BNC2: variants seen among roughly 807,000 people sequenced by gnomAD.
The protein encoded by BNC2 is basonuclin zinc finger protein 2.
Under a neutral mutation model 76.3 loss-of-function variants are expected in BNC2, and 20 were observed. The ratio of observed to expected loss-of-function variants is 0.26; its 90% CI spans 0.18 to 0.38. The LOEUF (loss-of-function observed/expected upper bound fraction) is 0.38, where lower values mean the gene tolerates loss of function less well. Ranked by LOEUF, BNC2 falls within the 10% of genes least tolerant of loss-of-function variation. The pLI, the probability that BNC2 is intolerant of heterozygous loss-of-function variation, is 1.00. For synonymous variants in BNC2, 582 were observed against 514.8 expected (o/e 1.13, Z -1.77); for missense variants, 1,382 against 1,399.8 (o/e 0.99, Z 0.20).
At chr9:16,838,155 A>C (rs935709005) in intron 1 of BNC2, among the ~76,000 whole-genome samples, 1 of 152,240 alleles carries the variant, frequency 6.6e-6, no homozygotes, top group Non-Finnish European at 1.5e-5. Flanking sequence ...TACACTGTAC[A>C]CAAGTTTCAA....
At chr9:16,649,246 T>C (rs1587272855) in intron 3 of BNC2, among the ~76,000 whole-genome samples, 2 of 152,302 alleles carry the variant, frequency 1.3e-5, no homozygotes, top group Middle Eastern at 3.4e-3. Flanking sequence ...GTGTGTGCTA[T>C]CCACCTGAAC....
intron 5 of BNC2, among the ~76,000 whole-genome samples, chr9:16,499,529 T>C (rs1482920362): frequency 1.6e-5 from 2 of 128,456 alleles, no homozygotes; most frequent in Admixed American, 1.5e-4. Flanking sequence ...TCTTTTTTTT[T>C]CTTTTTTTTT....
chr9:16,684,927 A>G lies in BNC2; in HGVS notation c.330+42870T>C, dbSNP rs1405412139. ...AAAAAAAAAAAAAATGTACTTTGCTAATATACTCCTATTACACCACAAGAC... is the reference window on the plus strand; with the variant it reads ...AAAAAAAAAAAAAATGTACTTTGCTGATATACTCCTATTACACCACAAGAC... On this transcript the variant is annotated intron_variant, in intron 3 of 6. Coordinates refer to ENST00000380672, the MANE Select transcript of BNC2 (RefSeq NM_017637.6). Among the ~76,000 whole-genome samples the G allele has an allele frequency of 5.3e-5, 8 of 152,172 alleles. No individual in the cohort carries two copies. The East Asian group carries it at 1.5e-3, about 29-fold the overall frequency.
intron 1 of BNC2, among the ~76,000 whole-genome samples, chr9:16,851,719 GCAT>G (rs1819131641): frequency 6.6e-6 from 1 of 152,148 alleles, no homozygotes; most frequent in South Asian, 2.1e-4. Flanking sequence ...AGCCAGTGAA[GCAT>G]CATTAACAAG....
chr9:16,780,175 G>A lies in BNC2; in HGVS notation c.4-41690C>T, dbSNP rs1282325372. Reference sequence around the variant, plus strand: ...GGCGCGAACCTGGGAGGCGGAGCTTGCAGTGAGCCGAGATCGCGCCACTGC... The same window carrying A: ...GGCGCGAACCTGGGAGGCGGAGCTTACAGTGAGCCGAGATCGCGCCACTGC... On this transcript the variant is annotated intron_variant, in intron 1 of 6. Coordinates refer to ENST00000380672, the MANE Select transcript of BNC2 (RefSeq NM_017637.6). 1.3e-4 allele frequency among the ~76,000 whole-genome samples: 18 copies of A among 138,904 alleles called. No individual in the cohort carries two copies. In the East Asian group the frequency reaches 2.2e-3, roughly 17 times the overall value. 91.1% of individuals were successfully genotyped at this position (138,904 alleles called of 152,430 possible). A position where few individuals can be genotyped will look rare whatever the true frequency, so the allele number is the denominator to read the frequency against.
intron 1 of BNC2, among the ~76,000 whole-genome samples, chr9:16,763,142 A>G (rs10810619): frequency 0.46 from 69,407 of 152,026 alleles, 21,258 homozygotes; most frequent in Non-Finnish European, 0.69. Context: ...TAAGGGCTTT[A>G]GAAAAAAGAT....
chr9:16,523,056 A>T (rs556421757), intron 5 of BNC2, among the ~76,000 whole-genome samples: 2 of 152,238 alleles, frequency 1.3e-5, no homozygotes, highest in South Asian at 2.1e-4. Context: ...AAAATGAAAC[A>T]TGGAAGCAGA....
At chr9:16,705,996 G>A (rs1281322516) in intron 3 of BNC2, among the ~76,000 whole-genome samples, 1 of 151,664 alleles carries the variant, frequency 6.6e-6, no homozygotes, top group Non-Finnish European at 1.5e-5. Flanking sequence ...TGTGCAGAGA[G>A]TTCTGCCTTC....
intron 5 of BNC2, among the ~76,000 whole-genome samples, chr9:16,438,221 G>T (rs2130875906): frequency 6.6e-6 from 1 of 152,142 alleles, no homozygotes; most frequent in South Asian, 2.1e-4. Context: ...CTGAAAATTG[G>T]TTGTAATCCT....
At chr9:16,653,614 C>A (rs963051930) in intron 3 of BNC2, among the ~76,000 whole-genome samples, 2 of 152,092 alleles carry the variant, frequency 1.3e-5, no homozygotes. Context: ...TTTCAGCAGG[C>A]ATCGGTTTCT....
At chr9:16,516,935 C>G (rs559537919) in intron 5 of BNC2, among the ~76,000 whole-genome samples, 188 of 152,304 alleles carry the variant, frequency 1.2e-3, no homozygotes, top group African/African-American at 4.4e-3. Context: ...AGGCTTTAAA[C>G]TGGTCAGTTG....
Position 16,435,724 on chromosome 9 carries a change from C to G in BNC2, c.2470G>C (p.Gly824Arg), listed in dbSNP as rs1472789940. Residue 824 changes from glycine to arginine, a missense_variant, in exon 6 of 7, where the codon GGT becomes CGT. Around this residue, in one of 3 missense-constraint regions of BNC2, gnomAD observed 798 missense variants for 775.5 expected, o/e 1.03. Coordinates refer to ENST00000380672, the MANE Select transcript of BNC2 (RefSeq NM_017637.6). ...YGSPQKFSPEGDLCSSPDPKI... is the reference protein window; with the variant it reads ...YGSPQKFSPERDLCSSPDPKI... ...GGGTCTGGGCTAGAACATAGGTCACCTTCTGGGGAGAACTTTTGAGGGCTG... is the reference window on the plus strand; with the variant it reads ...GGGTCTGGGCTAGAACATAGGTCACGTTCTGGGGAGAACTTTTGAGGGCTG... 1 of 1,614,070 alleles carries G rather than the reference C, an allele frequency of 6.2e-7. No homozygotes were observed. Among genetic ancestry groups the G allele is most frequent in the Non-Finnish European group, 8.5e-7 (1 of 1,180,024 alleles).
At chr9:16,669,026 G>GA (rs1437819579) in intron 3 of BNC2, among the ~76,000 whole-genome samples, 1 of 151,850 alleles carries the variant, frequency 6.6e-6, no homozygotes, top group Non-Finnish European at 1.5e-5. Context: ...ATTTTCATAT[G>GA]AAAAAAATTG....
rs139357901 is a variant in BNC2, at chr9:16,820,088, G to A, written c.3+50558C>T. Reference sequence around the variant, plus strand: ...TGCAGTGAGCCGAGATCATGCCACTGCACTCTAGCCTGGGCAACAGAGTGA... The same window carrying A: ...TGCAGTGAGCCGAGATCATGCCACTACACTCTAGCCTGGGCAACAGAGTGA... On this transcript the variant is annotated intron_variant, in intron 1 of 6. Coordinates refer to ENST00000380672, the MANE Select transcript of BNC2 (RefSeq NM_017637.6). 6.5e-4 allele frequency among the ~76,000 whole-genome samples: 83 copies of A among 128,492 alleles called. 1 individual carries two copies. The highest frequency in any genetic ancestry group is 6.3e-3 in the Middle Eastern group (1 of 158). 84.3% of individuals were successfully genotyped at this position (128,492 alleles called of 152,430 possible). A position where few individuals can be genotyped will look rare whatever the true frequency, so the allele number is the denominator to read the frequency against.
At chr9:16,794,690 G>A (rs551975470) in intron 1 of BNC2, among the ~76,000 whole-genome samples, 36 of 151,940 alleles carry the variant, frequency 2.4e-4, no homozygotes, top group African/African-American at 8.4e-4. Flanking sequence ...TAAATCAAAG[G>A]GCTTTTAAAA....
intron 3 of BNC2, among the ~76,000 whole-genome samples, chr9:16,652,552 T>C (rs967173972): frequency 3.3e-5 from 5 of 152,222 alleles, no homozygotes; most frequent in South Asian, 2.1e-4. Flanking sequence ...AAATGTAATA[T>C]AGTATTACAC....
chr9:16,732,959 T>C (rs913153524), intron 2 of BNC2, among the ~76,000 whole-genome samples: 5 of 152,208 alleles, frequency 3.3e-5, no homozygotes, highest in Admixed American at 1.3e-4. Flanking sequence ...TTTAAAATGT[T>C]TTGCCCTCTC....
chr9:16,590,863 T>C (rs1156871284), intron 3 of BNC2, among the ~76,000 whole-genome samples: 1 of 152,096 alleles, frequency 6.6e-6, no homozygotes, highest in Non-Finnish European at 1.5e-5. Context: ...GAATAGCAAA[T>C]TATCTGTAAT....
intron 6 of BNC2, among the ~76,000 whole-genome samples, chr9:16,433,862 T>C (rs1820951465): frequency 6.6e-6 from 1 of 152,190 alleles, no homozygotes; most frequent in Admixed American, 6.5e-5. Context: ...TTATGCAGGT[T>C]TTCATGAGTC....
Sources: gnomAD v4.1 joint callset for allele counts (sites outside exome capture counted in the v4.1 genomes callset) on GRCh38, gnomAD v4.1.1 for gene constraint, gnomAD v4.1.1 regional missense constraint, MANE v1.5 for transcripts, NCBI Gene and HGNC (gene_info 2026-07-23, HGNC 2026-07-21) for gene names.